GAS7: variants seen among roughly 807,000 people sequenced by gnomAD.
GAS7 encodes growth arrest specific 7.
A neutral mutation model predicts 71.1 loss-of-function variants in GAS7; 28 were observed. That is an observed-to-expected ratio of 0.39 (90% CI 0.29 to 0.54). GAS7 has a LOEUF of 0.54. GAS7 is among the 20% of genes least tolerant of loss of function. GAS7 has a pLI of 0.62. For missense variants in GAS7, 436 were observed against 627.8 expected (o/e 0.69, Z 3.27); for synonymous variants, 258 against 245.8 (o/e 1.05, Z -0.46).
intron 1 of GAS7, among the ~76,000 whole-genome samples, chr17:10,189,551 A>G (rs892596575): frequency 1.3e-5 from 2 of 151,396 alleles, no homozygotes; most frequent in African/African-American, 4.9e-5. Flanking sequence ...ATTCTGGAAT[A>G]TTCTGGCTCT....
intron 4 of GAS7, among the ~76,000 whole-genome samples, chr17:9,968,795 G>A (rs1013453892): frequency 2.6e-5 from 4 of 152,214 alleles, no homozygotes; most frequent in East Asian, 1.9e-4. Flanking sequence ...CACTGCACAC[G>A]CAGCTACTGT....
intron 11 of GAS7, among the ~76,000 whole-genome samples, chr17:9,921,061 G>C (rs1400458815): frequency 1.3e-5 from 2 of 151,954 alleles, no homozygotes; most frequent in African/African-American, 4.8e-5. Flanking sequence ...TATTCATTTT[G>C]TTCTTGGTCC....
intron 1 of GAS7, among the ~76,000 whole-genome samples, chr17:10,021,856 G>GC (rs1274309453): frequency 6.8e-4 from 103 of 152,310 alleles, no homozygotes; most frequent in African/African-American, 2.3e-3. Context: ...GTGTGCATGC[G>GC]CGCGTGCATG....
chr17:9,917,666 T>C (rs1473023264), intron 13 of GAS7, among the ~76,000 whole-genome samples: 1 of 152,248 alleles, frequency 6.6e-6, no homozygotes, highest in African/African-American at 2.4e-5. Context: ...GCTTTAGGTA[T>C]TGTGAATATT....
chr17:10,171,467 T>C (rs571969834), intron 1 of GAS7, among the ~76,000 whole-genome samples: 1 of 152,220 alleles, frequency 6.6e-6, no homozygotes, highest in African/African-American at 2.4e-5. Context: ...GTCTCTGAAG[T>C]TTGTTGAGAC....
rs76424899 is a variant in GAS7 at position 10,133,514 on chromosome 17, T to G, written c.183+64694A>C. Reference sequence around the variant, plus strand: ...TACATACACTGTGGAGTGGCTCAACTGAGCTCATTAATCTACGCATTACTC... The same window carrying G: ...TACATACACTGTGGAGTGGCTCAACGGAGCTCATTAATCTACGCATTACTC... On this transcript the variant is annotated intron_variant, in intron 1 of 13. Transcript: ENST00000432992. Among the ~76,000 whole-genome samples the G allele has an allele frequency of 3.9e-3, 598 of 152,328 alleles. 5 individuals carry two copies. Among genetic ancestry groups the G allele is most frequent in the Non-Finnish European group, 6.4e-3 (437 of 68,028 alleles).
At chr17:10,066,590 C>T (rs995397765) in intron 1 of GAS7, among the ~76,000 whole-genome samples, 7 of 152,214 alleles carry the variant, frequency 4.6e-5, no homozygotes, top group Non-Finnish European at 7.3e-5. Context: ...CTCACCTCAG[C>T]CTCCCAAAGC....
At chr17:10,063,195 T>C (rs1448991321) in intron 1 of GAS7, among the ~76,000 whole-genome samples, 1 of 152,256 alleles carries the variant, frequency 6.6e-6, no homozygotes, top group Non-Finnish European at 1.5e-5. Context: ...TTTGTCATTC[T>C]TGCAAAAGGA....
chr17:10,009,795 C>A (rs1307481649), intron 2 of GAS7, among the ~76,000 whole-genome samples: 2 of 151,176 alleles, frequency 1.3e-5, no homozygotes, highest in Non-Finnish European at 2.9e-5. Context: ...TTACTTGAGC[C>A]CAGGAAGTCA....
intron 1 of GAS7, chr17:10,036,753 CCTTT>C: frequency 1.7e-6 from 2 of 1,211,712 alleles, no homozygotes; most frequent in Non-Finnish European, 1.0e-6. Flanking sequence ...TTTCTGGAGG[CCTTT>C]CTTTTTTTCC....
intron 2 of GAS7, among the ~76,000 whole-genome samples, chr17:10,018,581 A>G (rs2072132789): frequency 6.6e-6 from 1 of 152,148 alleles, no homozygotes; most frequent in South Asian, 2.1e-4. Context: ...AAATAGTCCT[A>G]CTTCCCTTTT....
intron 1 of GAS7, among the ~76,000 whole-genome samples, chr17:10,137,608 T>C (rs569356029): frequency 1.1e-4 from 17 of 152,104 alleles, no homozygotes; most frequent in Middle Eastern, 6.8e-3. Context: ...GGCAGGATCT[T>C]GGCTCACTGC....
At chr17:10,158,357 A>AC (rs1282866749) in intron 1 of GAS7, among the ~76,000 whole-genome samples, 1 of 129,530 alleles carries the variant, frequency 7.7e-6, no homozygotes, top group Non-Finnish European at 1.7e-5. Context: ...AAAAAAAAAA[A>AC]AAACAAGGCC....
At chr17:10,158,291 G>C (rs903890576) in intron 1 of GAS7, among the ~76,000 whole-genome samples, 148 of 149,794 alleles carry the variant, frequency 9.9e-4, no homozygotes, top group African/African-American at 3.6e-3. Flanking sequence ...GGGATTACAG[G>C]CGTGAGCCAC....
chr17:9,987,143 C>T (rs1174944590), intron 2 of GAS7, among the ~76,000 whole-genome samples: 1 of 152,234 alleles, frequency 6.6e-6, no homozygotes, highest in Non-Finnish European at 1.5e-5. Context: ...ATTCTCTGGA[C>T]GTCCATCCCT....
At chr17:9,918,192 T>C in intron 12 of GAS7, 93 bp from the exon 13 acceptor site, 5 of 809,458 alleles carry the variant, frequency 6.2e-6, no homozygotes, top group Admixed American at 2.2e-5. Flanking sequence ...TCACTGGCTG[T>C]GGACATTCTG....
chr17:10,086,520 G>A (rs1328514544), intron 1 of GAS7, among the ~76,000 whole-genome samples: 2 of 152,198 alleles, frequency 1.3e-5, no homozygotes, highest in Non-Finnish European at 2.9e-5. Context: ...TCAATCGGCA[G>A]AAAGAATGGT....
intron 1 of GAS7, among the ~76,000 whole-genome samples, chr17:10,066,034 C>T (rs2152244657): frequency 6.6e-6 from 1 of 152,220 alleles, no homozygotes; most frequent in East Asian, 1.9e-4. Flanking sequence ...TGTAACTTGA[C>T]CTTGAGATAA....
chr17:10,009,204 C>T (rs954138582), intron 2 of GAS7, among the ~76,000 whole-genome samples: 3 of 149,496 alleles, frequency 2.0e-5, no homozygotes, highest in Non-Finnish European at 4.5e-5. Flanking sequence ...GCCTGTAGTC[C>T]CAGCTACTTG....
Sources: allele counts gnomAD v4.1 joint callset (sites outside exome capture counted in the v4.1 genomes callset), GRCh38; gene constraint gnomAD v4.1.1; transcripts MANE v1.5; gene names NCBI Gene and HGNC (gene_info 2026-07-23, HGNC 2026-07-21).